The following GALNT18 variants were observed in gnomAD, a reference collection of about 807,000 sequenced individuals.
GALNT18 encodes the protein polypeptide N-acetylgalactosaminyltransferase 18.
GALNT18 carries 44 observed loss-of-function variants against 69.5 expected under a neutral mutation model. That is an observed-to-expected ratio of 0.63 (90% confidence interval 0.50 to 0.81). The LOEUF (loss-of-function observed/expected upper bound fraction) is 0.81, where lower values mean the gene tolerates loss of function less well. Among genes scored for constraint, GALNT18 ranks in the 40% least tolerant of loss-of-function variants. GALNT18 has a pLI of 0.00. For missense variants in GALNT18, 715 were observed against 810.0 expected, an observed-to-expected ratio of 0.88 and a Z score of 1.42; for synonymous variants, 364 against 318.2, an observed-to-expected ratio of 1.14 and a Z score of -1.53.
At chr11:11,284,831 G>C (rs1473716686) in intron 10 of GALNT18, among the ~76,000 whole-genome samples, 1 of 26,566 alleles carries the variant, frequency 3.8e-5, no homozygotes, top group African/African-American at 8.8e-5. Flanking sequence ...CTGAGATTAA[G>C]TCTTTTTTTG....
rs1564978978 is a variant in GALNT18, at chr11:11,496,503, GTTCT to G, written c.236-47571_236-47568del. On this transcript the variant is annotated intron_variant, in intron 1 of 10. Transcript: ENST00000227756. The surrounding 1 kb of genome is among the most constrained non-coding windows in gnomAD (Gnocchi z 4.0). The stretch of plus-strand genomic sequence containing the variant: ...TGCTGGAAAAATAAAACAGAAGATG[GTTCT>G]TAGGAAAAGATTTCCTCTTCATCAA... Among the ~76,000 whole-genome samples the G allele has an allele frequency of 2.0e-5, 3 of 152,172 alleles. No homozygotes were observed. Among genetic ancestry groups the G allele is most frequent in the African/African-American group, 7.2e-5 (3 of 41,446 alleles).
intron 1 of GALNT18, among the ~76,000 whole-genome samples, chr11:11,585,370 T>G (rs971611067): frequency 6.6e-6 from 1 of 151,762 alleles, no homozygotes; most frequent in African/African-American, 2.4e-5. Flanking sequence ...TTTTTTTTTT[T>G]CCGAGATGGA....
At chr11:11,272,853 C>G (rs372469183) in intron 10 of GALNT18, among the ~76,000 whole-genome samples, 1 of 152,114 alleles carries the variant, frequency 6.6e-6, no homozygotes, top group Non-Finnish European at 1.5e-5. Context: ...TGGCAAACTT[C>G]TTGAAGGATG....
chr11:11,274,702 C>T (rs1848902352), intron 10 of GALNT18, among the ~76,000 whole-genome samples: 1 of 152,302 alleles, frequency 6.6e-6, no homozygotes, highest in African/African-American at 2.4e-5. Context: ...CCTCCCCTAG[C>T]CCTCCACTCC....
chr11:11,438,811 A>T (rs750100386), intron 2 of GALNT18, among the ~76,000 whole-genome samples: 3 of 115,204 alleles, frequency 2.6e-5, no homozygotes, highest in Non-Finnish European at 4.2e-5. Context: ...TATTCTGTCT[A>T]GCAGGACAAC....
intron 6 of GALNT18, among the ~76,000 whole-genome samples, chr11:11,371,461 A>T (rs1044165655): frequency 6.6e-5 from 10 of 152,220 alleles, no homozygotes; most frequent in Non-Finnish European, 1.3e-4. Context: ...AGTAGGTGGG[A>T]CCAGACAGAT....
At position 11,541,998 on chromosome 11, in the gene GALNT18, C is replaced by T. The variant is rs1857938671; in HGVS notation, c.235+79361G>A. The stretch of plus-strand genomic sequence containing the variant: ...AGCTTCACCCCCACCCTTCAGAAGA[C>T]CCCAGAGACCCCGCTGTAAATATGA... On this transcript the variant is annotated intron_variant, in intron 1 of 10. Coordinates refer to ENST00000227756, the MANE Select transcript of GALNT18 (RefSeq NM_198516.3). This position sits in a 1 kb window ranked among gnomAD's most constrained non-coding sequence, Gnocchi z 4.8. Among the ~76,000 whole-genome samples, 1 of 152,096 alleles carries T rather than the reference C, an allele frequency of 6.6e-6. No homozygotes were observed. The highest frequency in any genetic ancestry group is 6.5e-5 in the Admixed American group (1 of 15,276).
chr11:11,410,518 C>T (rs989432800), intron 3 of GALNT18, among the ~76,000 whole-genome samples: 8 of 152,138 alleles, frequency 5.3e-5, no homozygotes, highest in African/African-American at 1.2e-4. Context: ...AAGGGCACAT[C>T]GGTGGTATTT....
At chr11:11,486,597 A>G (rs925673214) in intron 1 of GALNT18, among the ~76,000 whole-genome samples, 3 of 152,230 alleles carry the variant, frequency 2.0e-5, no homozygotes, top group Admixed American at 2.0e-4. Context: ...TCTTTATTAC[A>G]TCCATACTGA....
chr11:11,385,832 C>A (rs930934080), intron 3 of GALNT18, among the ~76,000 whole-genome samples: 7 of 152,106 alleles, frequency 4.6e-5, no homozygotes, highest in Admixed American at 3.9e-4. Flanking sequence ...GAAATAGGGT[C>A]ATTGCAGATA....
At chr11:11,327,055 T>C in intron 9 of GALNT18, 31 bp downstream of exon 9, 1 of 1,500,856 alleles carries the variant, frequency 6.7e-7, no homozygotes, top group South Asian at 1.1e-5. Context: ...ATATGCACAC[T>C]CCTGGCACAG....
In GALNT18 at chr11:11,621,677, C is replaced by G; in HGVS notation, c.-84G>C. The stretch of plus-strand genomic sequence containing the variant: ...ACTCCCCCGCGCTCGCACCCCGTAG[C>G]ACGTCCGGAGCCGCTGGGCACCTCA... On this transcript the variant is annotated 5_prime_UTR_variant, in exon 1 of 11. Transcript: ENST00000227756. The surrounding 1 kb of genome is among the most constrained non-coding windows in gnomAD (Gnocchi z 9.3). 9.6e-7 allele frequency: 1 copy of G among 1,046,450 alleles called. No homozygotes were observed. The highest frequency in any genetic ancestry group is 2.1e-5 in the Admixed American group (1 of 47,166). 64.8% of individuals were successfully genotyped at this position (1,046,450 alleles called of 1,614,324 possible).
At position 11,621,856 on chromosome 11, in the gene GALNT18, T is replaced by C. The variant is rs947058333; in HGVS notation, c.-263A>G. The C allele has an allele frequency of 4.6e-6, 2 of 430,526 alleles. No homozygotes were observed. The highest frequency in any genetic ancestry group is 8.4e-6 in the Non-Finnish European group (2 of 239,262). 26.7% of individuals were successfully genotyped at this position (430,526 alleles called of 1,614,324 possible). A position where few individuals can be genotyped will look rare whatever the true frequency, so the allele number is the denominator to read the frequency against. On this transcript the variant is annotated 5_prime_UTR_variant, in exon 1 of 11. Coordinates refer to ENST00000227756, the MANE Select transcript of GALNT18 (RefSeq NM_198516.3). This position sits in a 1 kb window ranked among gnomAD's most constrained non-coding sequence, Gnocchi z 9.3. ...AAATTAAAAATCCCTGAACCCTTCC[T>C]AGAGGGGTCACGGGTAGCCGGCAGC...
chr11:11,538,573 C>T lies in GALNT18; in HGVS notation c.235+82786G>A, dbSNP rs1462047139. Among the ~76,000 whole-genome samples, 3 of 152,166 alleles carry T rather than the reference C, an allele frequency of 2.0e-5. No homozygotes were observed. Among genetic ancestry groups the T allele is most frequent in the Non-Finnish European group, 4.4e-5 (3 of 68,030 alleles). ...CCAACAACCCGATAGCCCTGGAGCTCGCGGCACTCCTCTCAGGGGCCTCGT... is the reference window on the plus strand; with the variant it reads ...CCAACAACCCGATAGCCCTGGAGCTTGCGGCACTCCTCTCAGGGGCCTCGT... On this transcript the variant is annotated intron_variant, in intron 1 of 10. Transcript: ENST00000227756. The surrounding 1 kb of genome is among the most constrained non-coding windows in gnomAD (Gnocchi z 5.2).
chr11:11,296,634 T>A (rs1849406141), intron 9 of GALNT18, among the ~76,000 whole-genome samples: 2 of 152,236 alleles, frequency 1.3e-5, no homozygotes. Flanking sequence ...ATCAGTTTTA[T>A]CCACTTAGCT....
chr11:11,478,125 C>G (rs923476177), intron 1 of GALNT18, among the ~76,000 whole-genome samples: 1 of 152,076 alleles, frequency 6.6e-6, no homozygotes, highest in African/African-American at 2.4e-5. Flanking sequence ...ATTCTAAGAA[C>G]ATACAAAGAG....
rs1377408891 is a variant in GALNT18 at position 11,337,909 on chromosome 11, C to T, written c.1278+2910G>A. ...AAGCATGGGAACTTTTGATGCCATGCCAAACACTGGGCTTTGTGCTTGATT... is the reference window on the plus strand; with the variant it reads ...AAGCATGGGAACTTTTGATGCCATGTCAAACACTGGGCTTTGTGCTTGATT... On this transcript the variant is annotated intron_variant, in intron 7 of 10. Transcript: ENST00000227756. This position sits in a 1 kb window ranked among gnomAD's most constrained non-coding sequence, Gnocchi z 4.9. Among the ~76,000 whole-genome samples the T allele has an allele frequency of 6.6e-6, 1 of 151,480 alleles. No individual in the cohort carries two copies. Among genetic ancestry groups the T allele is most frequent in the Admixed American group, 6.6e-5 (1 of 15,218 alleles).
chr11:11,475,401 G>A (rs1032262786), intron 1 of GALNT18: 7 of 152,176 alleles, frequency 4.6e-5, no homozygotes, highest in African/African-American at 1.7e-4. Flanking sequence ...TAGGTGCTCA[G>A]TGGAAAATAA....
chr11:11,545,330 A>G (rs997203128), intron 1 of GALNT18, among the ~76,000 whole-genome samples: 1 of 152,264 alleles, frequency 6.6e-6, no homozygotes, highest in Non-Finnish European at 1.5e-5. Flanking sequence ...AACAGAAGAA[A>G]AAAATGCAGA....
Sources: allele counts gnomAD v4.1 joint callset (sites outside exome capture counted in the v4.1 genomes callset), GRCh38; gene constraint gnomAD v4.1.1; non-coding constraint Gnocchi (gnomAD v3.1); transcripts MANE v1.5; gene names NCBI Gene and HGNC (gene_info 2026-07-23, HGNC 2026-07-21).